TSHZ3: variants seen among roughly 807,000 people sequenced by gnomAD.
The protein encoded by TSHZ3 is teashirt homolog 3.
A neutral mutation model predicts 64.5 loss-of-function variants in TSHZ3; 10 were observed. That is an observed-to-expected ratio of 0.16 (90% CI 0.10 to 0.26). TSHZ3 has a LOEUF of 0.26. Ranked by LOEUF, TSHZ3 falls within the 10% of genes least tolerant of loss-of-function variation. The pLI is 1.00. For missense variants in TSHZ3, 1,242 were observed against 1,421.7 expected (o/e 0.87, Z 2.03); for synonymous variants, 608 against 593.1 (o/e 1.03, Z -0.36).
chr19:31,312,019 C>T (rs993874375), intron 1 of TSHZ3, among the ~76,000 whole-genome samples: 8 of 152,316 alleles, frequency 5.3e-5, no homozygotes, highest in South Asian at 2.1e-4. Context: ...CCACTGCACC[C>T]GGCCAAGCCA....
At chr19:31,211,325 G>C (rs1283542087) in intron 4 of TSHZ3, among the ~76,000 whole-genome samples, 1 of 152,186 alleles carries the variant, frequency 6.6e-6, no homozygotes, top group Non-Finnish European at 1.5e-5. Context: ...ATGGTAGCAG[G>C]TTGCAGAGAT....
chr19:31,162,130 C>T (rs1410081119), intron 5 of TSHZ3, among the ~76,000 whole-genome samples: 1 of 152,092 alleles, frequency 6.6e-6, no homozygotes, highest in African/African-American at 2.4e-5. Context: ...GTTATTTGCT[C>T]CCCTGATTTT....
At position 31,279,319 on chromosome 19, in the gene TSHZ3, G is replaced by GCTGCTGCTGCTA. The variant is rs758585467; in HGVS notation, c.462_473dup (p.Ser156_Ser159dup). The stretch of plus-strand genomic sequence containing the variant: ...AGTCGAAGCTCCCGCTGCCACAGCT[G>GCTGCTGCTGCTA]CTGCTGCTGCTACTGCTGCTGCTGC... On this transcript the variant is annotated inframe_insertion, in exon 2 of 2. Coordinates refer to ENST00000240587, the MANE Select transcript of TSHZ3 (RefSeq NM_020856.4). The surrounding 1 kb of genome is among the most constrained non-coding windows in gnomAD (Gnocchi z 6.4). 2 of 1,613,626 alleles carry GCTGCTGCTGCTA rather than the reference G, an allele frequency of 1.2e-6. No individual in the cohort carries two copies. Among genetic ancestry groups the GCTGCTGCTGCTA allele is most frequent in the African/African-American group, 1.3e-5 (1 of 74,918 alleles).
intron 1 of TSHZ3, among the ~76,000 whole-genome samples, chr19:31,286,658 C>T (rs1434794429): frequency 3.3e-5 from 5 of 152,320 alleles, no homozygotes; most frequent in East Asian, 1.9e-4. Context: ...GACCCACACC[C>T]GGGGTCCAGT....
chr19:31,260,628 G>A lies in TSHZ3; in HGVS notation n.64-17753C>T, dbSNP rs368128944. Among the ~76,000 whole-genome samples, 64 of 152,306 alleles carry A rather than the reference G, an allele frequency of 4.2e-4. 1 individual carries two copies. In the South Asian group the frequency reaches 6.2e-3, roughly 15 times the overall value. On this transcript the variant is annotated intron_variant and non_coding_transcript_variant, in intron 1 of 6. Coordinates refer to the TSHZ3 transcript ENST00000651361. ...ATGAAGCTCCTTAGTGAGAGAAAACGCACCTTTGTTGAGCATCTACTATGT... is the reference window on the plus strand; with the variant it reads ...ATGAAGCTCCTTAGTGAGAGAAAACACACCTTTGTTGAGCATCTACTATGT...
chr19:31,210,120 T>G (rs1218858377), intron 4 of TSHZ3, among the ~76,000 whole-genome samples: 1 of 151,906 alleles, frequency 6.6e-6, no homozygotes. Flanking sequence ...TCTGGGAAGA[T>G]GTACTTGGGG....
In TSHZ3 at chr19:31,342,065, A is replaced by G. The variant is rs1917454100; in HGVS notation, c.40+7115T>C. The stretch of plus-strand genomic sequence containing the variant: ...AAGGCATTTTAGCAGGAGTATTACA[A>G]TAAGGTGTTTACATTTTTTATGTAC... On this transcript the variant is annotated intron_variant, in intron 1 of 1. Transcript: ENST00000240587. Among the ~76,000 whole-genome samples the G allele has an allele frequency of 3.9e-5, 6 of 152,238 alleles. No individual in the cohort carries two copies. In the South Asian group the frequency reaches 1.2e-3, roughly 31 times the overall value.
chr19:31,293,664 G>A (rs1976613593), intron 1 of TSHZ3, among the ~76,000 whole-genome samples: 1 of 152,212 alleles, frequency 6.6e-6, no homozygotes, highest in Non-Finnish European at 1.5e-5. Context: ...AAAGCCTACA[G>A]AAATATAAGA....
intron 1 of TSHZ3, among the ~76,000 whole-genome samples, chr19:31,282,626 A>G (rs1020276026): frequency 1.3e-4 from 20 of 152,174 alleles, no homozygotes; most frequent in Admixed American, 1.1e-3. Flanking sequence ...ATGCACCATG[A>G]ATGATATGAC....
At chr19:31,220,946 C>T (rs1232582210) in intron 4 of TSHZ3, among the ~76,000 whole-genome samples, 1 of 152,166 alleles carries the variant, frequency 6.6e-6, no homozygotes, top group Non-Finnish European at 1.5e-5. Flanking sequence ...CAGGCAAATC[C>T]ACCAAAAGTA....
chr19:31,306,811 GAA>G, intron 1 of TSHZ3, among the ~76,000 whole-genome samples: 1 of 152,106 alleles, frequency 6.6e-6, no homozygotes, highest in Non-Finnish European at 1.5e-5. Flanking sequence ...ATTATTAAAA[GAA>G]AGAGAAACAT....
At chr19:31,213,168 C>A (rs566555293) in intron 4 of TSHZ3, among the ~76,000 whole-genome samples, 4 of 151,536 alleles carry the variant, frequency 2.6e-5, no homozygotes, top group African/African-American at 4.8e-5. Flanking sequence ...CCAGCCTGGG[C>A]AACATGGTGA....
intron 1 of TSHZ3, among the ~76,000 whole-genome samples, chr19:31,346,508 G>A (rs1917596304): frequency 6.6e-6 from 1 of 152,172 alleles, no homozygotes; most frequent in Non-Finnish European, 1.5e-5. Context: ...TAATGAAGCT[G>A]GCAAAACAAC....
At position 31,278,452 on chromosome 19, in the gene TSHZ3, C is replaced by G; in HGVS notation, c.1341G>C (p.Leu447=). 1.2e-6 allele frequency: 2 copies of G among 1,614,154 alleles called. No homozygotes were observed. Among genetic ancestry groups the G allele is most frequent in the South Asian group, 2.2e-5 (2 of 91,076 alleles). The change falls in exon 2 of 2, where the codon CTG becomes CTC. Residue 447 remains leucine (L), a synonymous_variant. Coordinates refer to ENST00000240587, the MANE Select transcript of TSHZ3 (RefSeq NM_020856.4). This position sits in a 1 kb window ranked among gnomAD's most constrained non-coding sequence, Gnocchi z 4.7. ...AGGGGGACGTGAAGGTGGTGGCTGC[C>G]AGGGGCACGGACTGGACCTTCTCAT... is the stretch of plus-strand genomic sequence containing the variant. ...LLDEKVQSVP[L]AATTFTSPSN...
At chr19:31,310,494 G>C (rs11882270) in intron 1 of TSHZ3, among the ~76,000 whole-genome samples, 8,819 of 152,230 alleles carry the variant, frequency 0.058, 574 homozygotes, top group African/African-American at 0.16. Context: ...CTGCTCAGGA[G>C]AGAATCCCTT....
At chr19:31,252,515 G>A (rs1975856128) in intron 1 of TSHZ3, among the ~76,000 whole-genome samples, 3 of 152,298 alleles carry the variant, frequency 2.0e-5, no homozygotes, top group Middle Eastern at 6.8e-3. Context: ...GGGACCAGGT[G>A]GGAGTAACTG....
downstream of TSHZ3, among the ~76,000 whole-genome samples, chr19:31,273,643 G>T (rs1976176730): frequency 6.6e-6 from 1 of 152,200 alleles, no homozygotes; most frequent in Non-Finnish European, 1.5e-5. Context: ...GTGGAAATCT[G>T]GGCTCCAGGA....
chr19:31,347,503 C>T (rs1311501247), intron 1 of TSHZ3, among the ~76,000 whole-genome samples: 1 of 152,164 alleles, frequency 6.6e-6, no homozygotes, highest in Non-Finnish European at 1.5e-5. Flanking sequence ...GACATTCCTA[C>T]TACTCAACTT....
chr19:31,263,988 G>A (rs1006102920), intron 1 of TSHZ3, among the ~76,000 whole-genome samples: 30 of 152,220 alleles, frequency 2.0e-4, no homozygotes, highest in African/African-American at 6.7e-4. Flanking sequence ...TGTGACCTTG[G>A]GCAAGTCACT....
Sources: allele counts gnomAD v4.1 joint callset (sites outside exome capture counted in the v4.1 genomes callset), GRCh38; gene constraint gnomAD v4.1.1; non-coding constraint Gnocchi (gnomAD v3.1); transcripts MANE v1.5; gene names NCBI Gene and HGNC (gene_info 2026-07-23, HGNC 2026-07-21).